The following LDAH variants were observed in gnomAD, a reference collection of about 807,000 sequenced individuals.
LDAH encodes lipid droplet associated hydrolase.
LDAH carries 26 observed loss-of-function variants against 29.6 expected under a neutral mutation model. That is an observed-to-expected ratio of 0.88 (90% CI 0.64 to 1.22). The LOEUF is 1.22. Ranked by LOEUF, LDAH falls within the 50% of genes most tolerant of loss-of-function variation. The pLI, the probability that LDAH is intolerant of heterozygous loss-of-function variation, is 0.00. For missense variants in LDAH, 344 were observed against 387.3 expected, an observed-to-expected ratio of 0.89 and a Z score of 0.94; for synonymous variants, 117 against 133.0, an observed-to-expected ratio of 0.88 and a Z score of 0.83.
chr2:20,802,468 T>C (rs576849330), intron 1 of LDAH, among the ~76,000 whole-genome samples: 6 of 152,296 alleles, frequency 3.9e-5, no homozygotes, highest in African/African-American at 1.2e-4. Context: ...TAATTAGTTA[T>C]GTGCAAAAAT....
At chr2:20,817,023 T>C (rs1672900250) in intron 1 of LDAH, among the ~76,000 whole-genome samples, 1 of 151,710 alleles carries the variant, frequency 6.6e-6, no homozygotes, top group South Asian at 2.1e-4. Context: ...TGGATAGAAA[T>C]GAAAATACAA....
At chr2:20,780,410 T>C (rs1670114267) in intron 3 of LDAH, among the ~76,000 whole-genome samples, 1 of 151,518 alleles carries the variant, frequency 6.6e-6, no homozygotes, top group African/African-American at 2.4e-5. Context: ...TAGCAAACAA[T>C]AAAAGAAAAA....
At chr2:20,757,904 T>C (rs1039168312) in intron 4 of LDAH, among the ~76,000 whole-genome samples, 7 of 152,206 alleles carry the variant, frequency 4.6e-5, no homozygotes, top group Non-Finnish European at 4.4e-5. Flanking sequence ...CTCAGACCTT[T>C]GGACTGAAAC....
At chr2:20,703,267 T>C (rs1664080441) in intron 5 of LDAH, among the ~76,000 whole-genome samples, 3 of 152,262 alleles carry the variant, frequency 2.0e-5, no homozygotes, top group Non-Finnish European at 4.4e-5. Flanking sequence ...TTTTCCATCA[T>C]TTCCCATTTC....
Position 20,812,971 on chromosome 2 carries a change from A to C in LDAH, c.-3+10066T>G, listed in dbSNP as rs117480265. On this transcript the variant is annotated intron_variant, in intron 1 of 6. Coordinates refer to ENST00000237822, the MANE Select transcript of LDAH (RefSeq NM_021925.4). ...GAAAATATGTGAGAAAATTGATTCAAAGACATTACGCAATTTGCCTAAGTC... is the reference window on the plus strand; with the variant it reads ...GAAAATATGTGAGAAAATTGATTCACAGACATTACGCAATTTGCCTAAGTC... Among the ~76,000 whole-genome samples the C allele has an allele frequency of 2.8e-4, 43 of 152,322 alleles. No homozygotes were observed. In the East Asian group the frequency reaches 7.9e-3, roughly 28 times the overall value.
intron 3 of LDAH, among the ~76,000 whole-genome samples, chr2:20,779,559 T>C (rs1670044598): frequency 6.6e-6 from 1 of 150,402 alleles, no homozygotes; most frequent in South Asian, 2.1e-4. Flanking sequence ...TACATATATA[T>C]AAATATATAT....
intron 2 of LDAH, among the ~76,000 whole-genome samples, chr2:20,797,896 C>T (rs1244244393): frequency 6.6e-6 from 1 of 151,990 alleles, no homozygotes; most frequent in East Asian, 1.9e-4. Flanking sequence ...CCACCAAAAC[C>T]CAAGTACCTT....
At chr2:20,777,081 G>A (rs1169653548) in intron 3 of LDAH, among the ~76,000 whole-genome samples, 1 of 152,150 alleles carries the variant, frequency 6.6e-6, no homozygotes, top group Non-Finnish European at 1.5e-5. Context: ...ATAAATAAAA[G>A]CTATGATTGT....
chr2:20,715,901 CA>C (rs1665143954), intron 5 of LDAH, among the ~76,000 whole-genome samples: 1 of 152,132 alleles, frequency 6.6e-6, no homozygotes, highest in South Asian at 2.1e-4. Flanking sequence ...ACAACCCCAT[CA>C]ACAAGTGGGT....
At chr2:20,709,495 GACAA>G in intron 5 of LDAH, among the ~76,000 whole-genome samples, 1 of 151,794 alleles carries the variant, frequency 6.6e-6, no homozygotes, top group Middle Eastern at 3.4e-3. Flanking sequence ...AATAAAAAAA[GACAA>G]ACAATAACCA....
At chr2:20,699,751 T>C (rs1663775829) in intron 6 of LDAH, among the ~76,000 whole-genome samples, 1 of 152,232 alleles carries the variant, frequency 6.6e-6, no homozygotes, top group Admixed American at 6.5e-5. Flanking sequence ...GTCTACCATT[T>C]ACCATTACAC....
At chr2:20,776,061 T>A (rs1022607816) in intron 3 of LDAH, among the ~76,000 whole-genome samples, 2 of 152,298 alleles carry the variant, frequency 1.3e-5, no homozygotes, top group African/African-American at 4.8e-5. Context: ...GGTGTAATAT[T>A]TCAAAATATC....
At chr2:20,716,127 T>C (rs1322183134) in intron 5 of LDAH, among the ~76,000 whole-genome samples, 1 of 152,172 alleles carries the variant, frequency 6.6e-6, no homozygotes, top group Non-Finnish European at 1.5e-5. Context: ...ACACTGTTTG[T>C]TGGAGTGTAA....
chr2:20,792,073 G>A (rs1041743019), intron 2 of LDAH, among the ~76,000 whole-genome samples: 1 of 150,534 alleles, frequency 6.6e-6, no homozygotes, highest in African/African-American at 2.4e-5. Context: ...TAAACTTTAG[G>A]GTTATTTTCA....
chr2:20,761,696 C>T (rs1316909492), intron 4 of LDAH, among the ~76,000 whole-genome samples: 1 of 152,088 alleles, frequency 6.6e-6, no homozygotes, highest in African/African-American at 2.4e-5. Context: ...ACAATGTTCA[C>T]TATTTGGGTA....
At chr2:20,781,252 G>A (rs990938038) in intron 3 of LDAH, among the ~76,000 whole-genome samples, 11 of 151,658 alleles carry the variant, frequency 7.3e-5, no homozygotes, top group South Asian at 6.2e-4. Flanking sequence ...TTTTCCCCTC[G>A]AATCATCCCC....
intron 5 of LDAH, among the ~76,000 whole-genome samples, chr2:20,723,900 C>A (rs1293294050): frequency 6.6e-6 from 1 of 152,142 alleles, no homozygotes; most frequent in Non-Finnish European, 1.5e-5. Context: ...TAATTCTTTA[C>A]TTTTGCTCCA....
At chr2:20,763,462 G>A (rs1277178186) in intron 4 of LDAH, among the ~76,000 whole-genome samples, 1 of 152,172 alleles carries the variant, frequency 6.6e-6, no homozygotes, top group East Asian at 1.9e-4. Flanking sequence ...GGGTGAAGAG[G>A]GGGAAGAATT....
intron 4 of LDAH, among the ~76,000 whole-genome samples, chr2:20,766,503 A>T (rs2124982203): frequency 6.6e-6 from 1 of 152,322 alleles, no homozygotes; most frequent in South Asian, 2.1e-4. Context: ...GCATAGAGAG[A>T]TCTTCATAGG....
Sources: gnomAD v4.1 joint callset for allele counts (sites outside exome capture counted in the v4.1 genomes callset) on GRCh38, gnomAD v4.1.1 for gene constraint, MANE v1.5 for transcripts, NCBI Gene and HGNC (gene_info 2026-07-23, HGNC 2026-07-21) for gene names.